Variants in TCF3 observed in about 807,000 individuals in gnomAD.
TCF3 encodes the protein transcription factor E2-alpha.
In TCF3, 54 loss-of-function variants were observed where a neutral mutation model predicts 72.3. The observed-to-expected ratio is 0.75, with a 90% CI of 0.60 to 0.94. The LOEUF (loss-of-function observed/expected upper bound fraction) is 0.94. Among genes scored for constraint, TCF3 ranks in the 40% least tolerant of loss-of-function variants. The pLI, the probability that TCF3 is intolerant of heterozygous loss-of-function variation, is 0.00. For missense variants in TCF3, 1,078 were observed against 934.4 expected (o/e 1.15, Z -2.00); for synonymous variants, 525 against 412.6 (o/e 1.27, Z -3.30).
In TCF3 at chr19:1,623,469, C is replaced by T. The variant is rs149419793; in HGVS notation, c.549+482G>A. ...CATGATCTTGGCTCACTGCAACCTCCGCCTCCTGGGTTCAAACGATTCTTC... is the reference window on the plus strand; with the variant it reads ...CATGATCTTGGCTCACTGCAACCTCTGCCTCCTGGGTTCAAACGATTCTTC... On this transcript the variant is annotated intron_variant, in intron 8 of 18. Coordinates refer to ENST00000262965, the MANE Select transcript of TCF3 (RefSeq NM_003200.5). Among the ~76,000 whole-genome samples, 1,267 of 151,526 alleles carry T rather than the reference C, an allele frequency of 8.4e-3. 24 individuals carry two copies. Among genetic ancestry groups the T allele is most frequent in the African/African-American group, 0.029 (1,197 of 41,230 alleles).
chr19:1,636,001 C>T (rs1005108790), intron 3 of TCF3, among the ~76,000 whole-genome samples: 22 of 152,286 alleles, frequency 1.4e-4, no homozygotes, highest in South Asian at 6.2e-4. Context: ...TGAAGGACCC[C>T]GATGGCAGCC....
At chr19:1,616,386 A>G (rs2061548325) in intron 16 of TCF3, 1 of 151,878 alleles carries the variant, frequency 6.6e-6, no homozygotes, top group Non-Finnish European at 1.5e-5. Context: ...AGGCAGGAGA[A>G]TCACTTGAAC....
chr19:1,625,723 A>G lies in TCF3; in HGVS notation c.367-15T>C. On this transcript the variant is annotated splice_polypyrimidine_tract_variant and intron_variant, in intron 6 of 18. Coordinates refer to ENST00000262965, the MANE Select transcript of TCF3 (RefSeq NM_003200.5). The stretch of plus-strand genomic sequence containing the variant: ...AGGAAGCCAGCCTGGTGGGGAGCGG[A>G]TGGTCAGAAAGCGCCCAGCTGGCAT... The G allele has an allele frequency of 6.7e-7, 1 of 1,487,986 alleles. No homozygotes were observed. The highest frequency in any genetic ancestry group is 8.9e-7 in the Non-Finnish European group (1 of 1,124,966). 92.2% of individuals were successfully genotyped at this position (1,487,986 alleles called of 1,614,324 possible).
chr19:1,626,551 A>C (rs2062902308), intron 6 of TCF3, among the ~76,000 whole-genome samples: 1 of 151,794 alleles, frequency 6.6e-6, no homozygotes, highest in South Asian at 2.1e-4. Context: ...GCCTGTCCTG[A>C]GCCCGCACCC....
At chr19:1,627,625 G>A (rs2063059092) in intron 5 of TCF3, among the ~76,000 whole-genome samples, 199 bp from the exon 6 acceptor site, 1 of 152,116 alleles carries the variant, frequency 6.6e-6, no homozygotes, top group South Asian at 2.1e-4. Context: ...CTCCCGCAGA[G>A]CCCTGCCCTC....
chr19:1,627,783 T>C (rs529028632), intron 5 of TCF3, among the ~76,000 whole-genome samples: 4,081 of 49,254 alleles, frequency 0.083, 62 homozygotes, highest in African/African-American at 0.16. Context: ...CGGGGTGAGG[T>C]GGGAAGGGGA....
chr19:1,632,483 G>A, intron 3 of TCF3, 78 bp from the exon 4 acceptor site: 5 of 1,467,966 alleles, frequency 3.4e-6, no homozygotes, highest in Admixed American at 2.0e-5. Flanking sequence ...TCATCTCAGG[G>A]GCAAACCTCA....
At chr19:1,618,655 C>G (rs1414114898) in intron 16 of TCF3, among the ~76,000 whole-genome samples, 2 of 152,234 alleles carry the variant, frequency 1.3e-5, no homozygotes, top group African/African-American at 2.4e-5. Context: ...CTTGCCTACT[C>G]TTGCCTCCTC....
At chr19:1,646,624 C>G (rs1052565926) in intron 2 of TCF3, among the ~76,000 whole-genome samples, 197 bp from the exon 3 acceptor site, 3 of 152,182 alleles carry the variant, frequency 2.0e-5, no homozygotes, top group African/African-American at 7.2e-5. Context: ...TCAAGTGACG[C>G]TGCACCCTGG....
intron 3 of TCF3, among the ~76,000 whole-genome samples, chr19:1,633,139 C>G (rs2063923962): frequency 6.6e-6 from 1 of 152,222 alleles, no homozygotes; most frequent in Non-Finnish European, 1.5e-5. Context: ...ACAGGCAACG[C>G]CCAGGACTCC....
Position 1,622,069 on chromosome 19 carries a change from G to C in TCF3, c.807C>G (p.His269Gln), listed in dbSNP as rs201247443. 1.2e-5 allele frequency: 19 copies of C among 1,606,314 alleles called. No homozygotes were observed. In the East Asian group the frequency reaches 3.1e-4, roughly 27 times the overall value. The change falls in exon 10 of 19, where the codon CAC (histidine) becomes CAG (glutamine). Residue 269 changes from histidine (H) to glutamine (Q), a missense_variant. His to Gln is a conservative substitution (Grantham distance 24). Coordinates refer to ENST00000262965, the MANE Select transcript of TCF3 (RefSeq NM_003200.5). ...SGSSSTFGGL[H>Q]QHERMGYQLH... Reference sequence around the variant, plus strand: ...TGGGTCCTACCATACGCTCGTGCTGGTGCAGGCCACCAAACGTGCTGCTGC... The same window carrying C: ...TGGGTCCTACCATACGCTCGTGCTGCTGCAGGCCACCAAACGTGCTGCTGC...
intron 1 of TCF3, among the ~76,000 whole-genome samples, chr19:1,650,897 G>A (rs1600222495): frequency 6.6e-6 from 1 of 151,136 alleles, no homozygotes; most frequent in African/African-American, 2.4e-5. Flanking sequence ...CCTATGCAGG[G>A]ACCAGCAAAG....
chr19:1,632,720 G>A (rs990384723), intron 3 of TCF3, among the ~76,000 whole-genome samples: 5 of 152,050 alleles, frequency 3.3e-5, no homozygotes, highest in African/African-American at 7.2e-5. Flanking sequence ...CTCTCACGCC[G>A]AGCCTCCTCC....
Position 1,650,276 on chromosome 19 carries a change from G to C in TCF3, c.-28C>G. 6.5e-7 allele frequency: 1 copy of C among 1,550,016 alleles called. No homozygotes were observed. The highest frequency in any genetic ancestry group is 8.7e-7 in the Non-Finnish European group (1 of 1,148,712). On this transcript the variant is annotated 5_prime_UTR_variant, in exon 2 of 19. Transcript: ENST00000262965. ...TCCTGGGGCCAGGGCGGGCACCTCAGGCCTGGAAACCCTGCTTGGTGGATG... is the reference window on the plus strand; with the variant it reads ...TCCTGGGGCCAGGGCGGGCACCTCACGCCTGGAAACCCTGCTTGGTGGATG...
intron 5 of TCF3, among the ~76,000 whole-genome samples, chr19:1,631,560 A>C (rs1010062162): frequency 3.3e-5 from 5 of 151,962 alleles, no homozygotes; most frequent in Non-Finnish European, 7.4e-5. Flanking sequence ...TGAGCCACCG[A>C]GCCCAACCTG....
At chr19:1,616,496 C>T (rs2061560720) in intron 16 of TCF3, 1 of 151,716 alleles carries the variant, frequency 6.6e-6, no homozygotes, top group African/African-American at 2.4e-5. Flanking sequence ...AAGAATAAAA[C>T]TTTGGAACAC....
At chr19:1,640,790 C>G (rs1178123480) in intron 3 of TCF3, among the ~76,000 whole-genome samples, 1 of 145,930 alleles carries the variant, frequency 6.9e-6, no homozygotes, top group Non-Finnish European at 1.5e-5. Context: ...GGTGACAGAG[C>G]ATGACTCCGT....
At chr19:1,612,104 A>G (rs970348412) in intron 18 of TCF3, 2 of 1,220,458 alleles carry the variant, frequency 1.6e-6, no homozygotes, top group South Asian at 1.5e-5. Context: ...AAAGACAGAC[A>G]TGGACAGAGT....
At chr19:1,612,624 ACAG>A (rs534613203) in intron 18 of TCF3, among the ~76,000 whole-genome samples, 47 of 146,936 alleles carry the variant, frequency 3.2e-4, no homozygotes, top group Middle Eastern at 3.6e-3. Context: ...ATTGGTGGGC[ACAG>A]CAGTGTGGGT....
Sources: gnomAD v4.1 joint callset for allele counts (sites outside exome capture counted in the v4.1 genomes callset) on GRCh38, gnomAD v4.1.1 for gene constraint, MANE v1.5 for transcripts, NCBI Gene and HGNC (gene_info 2026-07-23, HGNC 2026-07-21) for gene names.